The following CRYBG3 variants were observed in gnomAD, a reference collection of about 807,000 sequenced individuals.
CRYBG3 encodes crystallin beta-gamma domain containing 3.
In CRYBG3, 127 loss-of-function variants were observed where a neutral mutation model predicts 244.2. The ratio of observed to expected loss-of-function variants is 0.52; its 90% CI spans 0.45 to 0.60. The LOEUF (loss-of-function observed/expected upper bound fraction) is 0.60, where lower values mean the gene tolerates loss of function less well. Among genes scored for constraint, CRYBG3 ranks in the 20% least tolerant of loss-of-function variants. The probability of loss-of-function intolerance (pLI) is 0.00; values close to 1 mark genes in which losing one functional copy is unlikely to be tolerated. For synonymous variants in CRYBG3, 1,132 were observed against 1,195.8 expected (o/e 0.95, Z 1.10); for missense variants, 3,325 against 3,442.5 (o/e 0.97, Z 0.85).
chr3:97,891,179 T>C (rs1247817138), intron 10 of CRYBG3, among the ~76,000 whole-genome samples: 1 of 152,110 alleles, frequency 6.6e-6, no homozygotes, highest in Non-Finnish European at 1.5e-5. Flanking sequence ...TCAAGAGAGT[T>C]CTTTAGGGGA....
chr3:97,886,239 TTTAACTCTC>T (rs2039505742), intron 7 of CRYBG3, among the ~76,000 whole-genome samples: 1 of 152,170 alleles, frequency 6.6e-6, no homozygotes, highest in African/African-American at 2.4e-5. Flanking sequence ...TCAGCTTTTA[TTTAACTCTC>T]TTCCTCCCTT....
intron 14 of CRYBG3, among the ~76,000 whole-genome samples, chr3:97,900,075 G>C (rs1473859133): frequency 1.3e-5 from 2 of 152,234 alleles, no homozygotes; most frequent in Non-Finnish European, 2.9e-5. Context: ...CAAGCTGGGT[G>C]CAGTGGCACA....
At chr3:97,827,332 CT>C (rs532662444) in intron 1 of CRYBG3, among the ~76,000 whole-genome samples, 1 of 152,126 alleles carries the variant, frequency 6.6e-6, no homozygotes, top group Non-Finnish European at 1.5e-5. Flanking sequence ...GGGTGGTACC[CT>C]CCCCAACCTT....
At chr3:97,915,969 T>C (rs1209992707) in intron 17 of CRYBG3, among the ~76,000 whole-genome samples, 1 of 152,160 alleles carries the variant, frequency 6.6e-6, no homozygotes, top group African/African-American at 2.4e-5. Flanking sequence ...AGAACTAGAA[T>C]AATGTAGGCC....
intron 17 of CRYBG3, among the ~76,000 whole-genome samples, chr3:97,929,240 G>A (rs961619946): frequency 5.9e-5 from 9 of 152,036 alleles, no homozygotes; most frequent in African/African-American, 1.7e-4. Flanking sequence ...GGACTAAGGC[G>A]AAGACATTTG....
intron 1 of CRYBG3, among the ~76,000 whole-genome samples, chr3:97,830,826 G>C (rs986649608): frequency 1.3e-5 from 2 of 152,120 alleles, no homozygotes; most frequent in Non-Finnish European, 2.9e-5. Flanking sequence ...TGGACAGTTG[G>C]CAGGCTCTTT....
chr3:97,863,648 T>G (rs567097372), intron 2 of CRYBG3, among the ~76,000 whole-genome samples: 1 of 152,288 alleles, frequency 6.6e-6, no homozygotes, highest in East Asian at 1.9e-4. Flanking sequence ...TGATGAGGTC[T>G]GTTGAGGTGT....
intron 3 of CRYBG3, among the ~76,000 whole-genome samples, chr3:97,869,048 A>G (rs1271517356): frequency 6.6e-6 from 1 of 151,158 alleles, no homozygotes; most frequent in Non-Finnish European, 1.5e-5. Flanking sequence ...CTGTATCTTC[A>G]TATGTTGTTC....
In CRYBG3 at chr3:97,872,433, T is replaced by C; in HGVS notation, c.1239T>C (p.Thr413=). 6.5e-7 allele frequency: 1 copy of C among 1,535,938 alleles called. No homozygotes were observed. The highest frequency in any genetic ancestry group is 8.7e-7 in the Non-Finnish European group (1 of 1,146,802). ...AAAATACGATAAAAGAAAACAGCAC[T>C]GTGATGAGTAATAGGACATTGGTGC... ...TTENTIKENS[T]VMSNRTLVQR... Residue 413 remains threonine, a synonymous_variant, in exon 4 of 22, where the codon ACT becomes ACC. Coordinates refer to ENST00000389622, the MANE Select transcript of CRYBG3 (RefSeq NM_153605.4).
In CRYBG3 at chr3:97,895,979, A is replaced by C; in HGVS notation, c.7595A>C (p.Glu2532Ala). 1 of 1,613,432 alleles carries C rather than the reference A, an allele frequency of 6.2e-7. No homozygotes were observed. The highest frequency in any genetic ancestry group is 8.5e-7 in the Non-Finnish European group (1 of 1,179,662). ...TCTAGGTGGGTTGCCTATGAAAAAGAACATTTTAAAGGCCAGCAGTTTCTG... is the reference window on the plus strand; with the variant it reads ...TCTAGGTGGGTTGCCTATGAAAAAGCACATTTTAAAGGCCAGCAGTTTCTG... ...IGGVWVAYEK[E>A]HFKGQQFLLE... The change falls in exon 12 of 22, where the codon GAA (glutamate) becomes GCA (alanine). Residue 2532 changes from glutamate to alanine, a missense_variant. Physicochemically the swap from Glu to Ala is moderately radical, Grantham distance 107. Transcript: ENST00000389622.
chr3:97,930,594 C>T (rs1485989412), intron 17 of CRYBG3, among the ~76,000 whole-genome samples: 1 of 151,978 alleles, frequency 6.6e-6, no homozygotes, highest in Non-Finnish European at 1.5e-5. Flanking sequence ...CTTATGGTCT[C>T]ACTGCACACA....
At chr3:97,828,060 T>A (rs912279851) in intron 1 of CRYBG3, among the ~76,000 whole-genome samples, 1 of 152,110 alleles carries the variant, frequency 6.6e-6, no homozygotes, top group Non-Finnish European at 1.5e-5. Flanking sequence ...GGTTATAGAT[T>A]TATATTTAAA....
rs1363628057 is a variant in CRYBG3, at chr3:97,822,365, G to A, written c.149+10G>A. The A allele has an allele frequency of 3.3e-6, 5 of 1,493,182 alleles. No homozygotes were observed. The highest frequency in any genetic ancestry group is 4.4e-6 in the Non-Finnish European group (5 of 1,124,374). The allele number at this position is 1,493,182 out of a possible 1,614,324, so 92.5% of individuals were successfully genotyped here. Reference sequence around the variant, plus strand: ...GCCGGTCCGCTGCCAGGTGGGAGTCGAGGAGGGGGTCGCGGGGGGGCCCTG... The same window carrying A: ...GCCGGTCCGCTGCCAGGTGGGAGTCAAGGAGGGGGTCGCGGGGGGGCCCTG... On this transcript the variant is annotated intron_variant, in intron 1 of 21. Coordinates refer to ENST00000389622, the MANE Select transcript of CRYBG3 (RefSeq NM_153605.4).
In CRYBG3 at chr3:97,862,027, T is replaced by C. The variant is rs141266359; in HGVS notation, c.217-2190T>C. ...TTTAAGGGAACTAAAAAATACTCTT[T>C]AGTAAACTTATAGGGATTCCGGAAT... is the stretch of plus-strand genomic sequence containing the variant. On this transcript the variant is annotated intron_variant, in intron 2 of 21. Coordinates refer to ENST00000389622, the MANE Select transcript of CRYBG3 (RefSeq NM_153605.4). Among the ~76,000 whole-genome samples the C allele has an allele frequency of 4.9e-3, 748 of 152,190 alleles. 7 individuals are homozygous for C. The highest frequency in any genetic ancestry group is 0.017 in the African/African-American group (715 of 41,538).
chr3:97,835,720 G>T (rs1037874250), intron 1 of CRYBG3, among the ~76,000 whole-genome samples: 6 of 152,130 alleles, frequency 3.9e-5, no homozygotes, highest in South Asian at 2.1e-4. Context: ...TTTCAGTTGG[G>T]GGGGAGGTCA....
At chr3:97,844,106 G>A (rs961246359) in intron 2 of CRYBG3, among the ~76,000 whole-genome samples, 2 of 152,098 alleles carry the variant, frequency 1.3e-5, no homozygotes, top group Non-Finnish European at 2.9e-5. Context: ...TAATGCCCAA[G>A]TACATTACAC....
chr3:97,924,494 A>G lies in CRYBG3; in HGVS notation c.8241+8758A>G, dbSNP rs2040017948. 7.3e-6 allele frequency: 3 copies of G among 411,298 alleles called. No homozygotes were observed. In the Admixed American group the frequency reaches 9.1e-5, roughly 12 times the overall value. 25.5% of individuals were successfully genotyped at this position (411,298 alleles called of 1,614,324 possible). ...GTAGCTTAAGATGACAGATATTTAC[A>G]GTCTTGCAGTTCCACAAGTCAGAAG... On this transcript the variant is annotated intron_variant, in intron 17 of 21. Coordinates refer to ENST00000389622, the MANE Select transcript of CRYBG3 (RefSeq NM_153605.4).
At position 97,877,230 on chromosome 3, in the gene CRYBG3, G is replaced by A. The variant is rs149460854; in HGVS notation, c.6036G>A (p.Lys2012=). 179 of 1,613,850 alleles carry A rather than the reference G, an allele frequency of 1.1e-4. 1 individual carries two copies. In the East Asian group the frequency reaches 2.8e-3, roughly 26 times the overall value. Residue 2012 remains lysine (K), a synonymous_variant, in exon 4 of 22, where the codon AAG becomes AAA. Transcript: ENST00000389622. ...AAGAGCCCCTTCAAGAGGAGGACAA[G>A]TATGCTTCCGCAGAAGCAAGACAAA... ...LYEEPLQEED[K]YASAEARQTQ...
intron 7 of CRYBG3, among the ~76,000 whole-genome samples, chr3:97,881,924 A>G (rs1412287164): frequency 6.6e-6 from 1 of 151,818 alleles, no homozygotes; most frequent in Non-Finnish European, 1.5e-5. Context: ...ATAGTATAGT[A>G]TTGGCTGGGC....
Sources: gnomAD v4.1 joint callset for allele counts (sites outside exome capture counted in the v4.1 genomes callset) on GRCh38, gnomAD v4.1.1 for gene constraint, MANE v1.5 for transcripts, NCBI Gene and HGNC (gene_info 2026-07-23, HGNC 2026-07-21) for gene names.